Variants in MAGOH observed in about 807,000 individuals in gnomAD.
MAGOH encodes the protein mago homolog, exon junction complex subunit.
A neutral mutation model predicts 20.9 loss-of-function variants in MAGOH; 3 were observed. The observed-to-expected ratio is 0.14, with a 90% CI of 0.07 to 0.37. The LOEUF (loss-of-function observed/expected upper bound fraction) is 0.37, where lower values mean the gene tolerates loss of function less well. Ranked by LOEUF, MAGOH falls within the 10% of genes least tolerant of loss-of-function variation. The probability of loss-of-function intolerance (pLI) is 1.00; values close to 1 mark genes in which losing one functional copy is unlikely to be tolerated. For synonymous variants in MAGOH, 51 were observed against 61.0 expected, an observed-to-expected ratio of 0.84 and a Z score of 0.76; for missense variants, 66 against 178.1, an observed-to-expected ratio of 0.37 and a Z score of 3.58.
At chr1:53,228,990 T>C (rs760862479) in intron 3 of MAGOH, 36 bp from the exon 4 acceptor site, 3 of 1,381,896 alleles carry the variant, frequency 2.2e-6, no homozygotes, top group Admixed American at 3.4e-5. Flanking sequence ...TCAAGTAGAA[T>C]TGGATTATTC....
intron 2 of MAGOH, among the ~76,000 whole-genome samples, chr1:53,234,971 G>C (rs908809351): frequency 1.1e-4 from 16 of 152,102 alleles, no homozygotes; most frequent in Non-Finnish European, 8.8e-5. Flanking sequence ...GGGTAACTCA[G>C]AACAAGCCTC....
intron 1 of MAGOH, among the ~76,000 whole-genome samples, chr1:53,236,306 A>G (rs191634976): frequency 6.6e-6 from 1 of 152,362 alleles, no homozygotes; most frequent in East Asian, 1.9e-4. Context: ...CATACAGTGG[A>G]CAAGGTGATG....
At chr1:53,229,545 G>A (rs1434207537) in intron 3 of MAGOH, among the ~76,000 whole-genome samples, 1 of 152,148 alleles carries the variant, frequency 6.6e-6, no homozygotes, top group Non-Finnish European at 1.5e-5. Context: ...AAGCCACTGC[G>A]CCCAGCCTAT....
At chr1:53,236,949 CTT>C (rs55693928) in intron 1 of MAGOH, among the ~76,000 whole-genome samples, 15 of 127,994 alleles carry the variant, frequency 1.2e-4, no homozygotes, top group Admixed American at 8.1e-5. Context: ...CAACCAGTAT[CTT>C]TTTTTTTTTT....
At chr1:53,235,194 G>A (rs184707625) in intron 2 of MAGOH, among the ~76,000 whole-genome samples, 3 of 152,270 alleles carry the variant, frequency 2.0e-5, no homozygotes, top group Admixed American at 2.0e-4. Context: ...GGAATATAGA[G>A]CACTTTAAAT....
chr1:53,233,696 C>A, intron 2 of MAGOH, 44 bp from the exon 3 acceptor site: 1 of 1,256,368 alleles, frequency 8.0e-7, no homozygotes, highest in South Asian at 1.2e-5. Context: ...TATCCTTAAG[C>A]AGTGCTTTGA....
At chr1:53,236,156 G>A (rs946579705) in intron 1 of MAGOH, among the ~76,000 whole-genome samples, 1 of 152,182 alleles carries the variant, frequency 6.6e-6, no homozygotes, top group Non-Finnish European at 1.5e-5. Context: ...CAGATTAATG[G>A]TGGGGATGAG....
rs1645572983 is a variant in MAGOH, at chr1:53,228,917, A to C, written c.296T>G (p.Phe99Cys). 6.2e-7 allele frequency: 1 copy of C among 1,613,514 alleles called. No individual in the cohort carries two copies. The highest frequency in any genetic ancestry group is 8.5e-7 in the Non-Finnish European group (1 of 1,179,582). The change falls in exon 4 of 5, where the codon TTT becomes TGT. Residue 99 changes from phenylalanine (F) to cysteine (C), a missense_variant. Coordinates refer to ENST00000371470, the MANE Select transcript of MAGOH (RefSeq NM_002370.4). The part of the protein sequence containing the change: ...EIVIGDEHIS[F>C]TTSKIGSLID... ...AAGGGAACCAATTTTTGATGTTGTA[A>C]AAGAAATGTGTTCATCTCCAATGAC...
chr1:53,229,657 A>G (rs1645576819), intron 3 of MAGOH, among the ~76,000 whole-genome samples: 1 of 152,154 alleles, frequency 6.6e-6, no homozygotes, highest in African/African-American at 2.4e-5. Context: ...GGTGACTCAT[A>G]CCTGTAATCC....
intron 1 of MAGOH, among the ~76,000 whole-genome samples, chr1:53,236,119 A>T (rs1044551650): frequency 6.6e-6 from 1 of 152,244 alleles, no homozygotes; most frequent in Non-Finnish European, 1.5e-5. Context: ...TTGGTACACA[A>T]GACCCTTTGC....
At chr1:53,232,887 G>A (rs1200502039) in intron 3 of MAGOH, among the ~76,000 whole-genome samples, 3 of 152,250 alleles carry the variant, frequency 2.0e-5, no homozygotes, top group Admixed American at 2.0e-4. Context: ...GATCACCTGA[G>A]GTCAGGAGTT....
chr1:53,231,905 G>A (rs182945493), intron 3 of MAGOH, among the ~76,000 whole-genome samples: 1 of 152,110 alleles, frequency 6.6e-6, no homozygotes, highest in Non-Finnish European at 1.5e-5. Flanking sequence ...CCACAAAAAC[G>A]ATACATATTT....
chr1:53,232,198 T>C (rs1041878799), intron 3 of MAGOH, among the ~76,000 whole-genome samples: 2 of 152,166 alleles, frequency 1.3e-5, no homozygotes, highest in Non-Finnish European at 2.9e-5. Flanking sequence ...TAGTAAGTAC[T>C]GAGGGTGGAT....
At position 53,227,065 on chromosome 1, in the gene MAGOH, A is replaced by G; in HGVS notation, c.421T>C (p.Phe141Leu). ...TCAGTCTAGATTGGTTTAATCTTGA[A>G]GTGTAATCCAATAAGACTGAAGACC... Reference protein sequence around the residue: ...CLVFSLIGLHFKIKPI With the variant: ...CLVFSLIGLHLKIKPI The change falls in exon 5 of 5, where the codon TTC becomes CTC. Residue 141 changes from phenylalanine (F) to leucine (L), a missense_variant. Transcript: ENST00000371470. 6.3e-7 allele frequency: 1 copy of G among 1,583,334 alleles called. No homozygotes were observed. Among genetic ancestry groups the G allele is most frequent in the Non-Finnish European group, 8.6e-7 (1 of 1,165,820 alleles).
chr1:53,227,835 G>A (rs554899544), intron 4 of MAGOH, among the ~76,000 whole-genome samples: 7 of 152,058 alleles, frequency 4.6e-5, no homozygotes, highest in South Asian at 4.2e-4. Flanking sequence ...CACCACACCC[G>A]GCCCGAGTTA....
chr1:53,237,673 C>CAAAAAAAAAAAAAAAAAAAAAAA (rs1231950502), intron 1 of MAGOH, among the ~76,000 whole-genome samples: 4 of 55,338 alleles, frequency 7.2e-5, no homozygotes, highest in East Asian at 1.4e-3. Context: ...AAAGCCGTCT[C>CAAAAAAAAAAAAAAAAAAAAAAA]AAAAAAAAAA....
intron 2 of MAGOH, chr1:53,234,079 A>T (rs1645599358): frequency 6.0e-6 from 1 of 167,182 alleles, no homozygotes; most frequent in Non-Finnish European, 1.3e-5. Flanking sequence ...CAGAGGCCCC[A>T]GGGATAGATT....
chr1:53,234,246 C>T (rs987527957), intron 2 of MAGOH, among the ~76,000 whole-genome samples: 4 of 152,142 alleles, frequency 2.6e-5, no homozygotes, highest in Admixed American at 2.6e-4. Flanking sequence ...CTTGCCAGCG[C>T]CTTGATCTTG....
chr1:53,227,887 G>A (rs923854104), intron 4 of MAGOH, among the ~76,000 whole-genome samples: 3 of 152,136 alleles, frequency 2.0e-5, no homozygotes, highest in East Asian at 1.9e-4. Flanking sequence ...GCAGGACCAA[G>A]AGGTTGAAGA....
Sources: gnomAD v4.1 joint callset for allele counts (sites outside exome capture counted in the v4.1 genomes callset) on GRCh38, gnomAD v4.1.1 for gene constraint, MANE v1.5 for transcripts, NCBI Gene and HGNC (gene_info 2026-07-23, HGNC 2026-07-21) for gene names.